The following TG variants were observed in gnomAD, a reference collection of about 807,000 sequenced individuals.
TG encodes thyroglobulin.
In TG, 270 loss-of-function variants were observed where a neutral mutation model predicts 324.7. The ratio of observed to expected loss-of-function variants is 0.83; its 90% confidence interval spans 0.75 to 0.92. TG has a LOEUF of 0.92. TG is among the 40% of genes least tolerant of loss of function. TG has a pLI of 0.00. For synonymous variants in TG, 1,401 were observed against 1,327.0 expected (o/e 1.06, Z -1.21); for missense variants, 3,591 against 3,456.4 (o/e 1.04, Z -0.98).
chr8:133,128,256 C>G (rs1373872821), intron 45 of TG, among the ~76,000 whole-genome samples: 1 of 151,666 alleles, frequency 6.6e-6, no homozygotes, highest in Non-Finnish European at 1.5e-5. Flanking sequence ...GGAGCAGGGT[C>G]TTAGTCCCAA....
intron 35 of TG, among the ~76,000 whole-genome samples, chr8:133,010,763 G>A (rs1834434375): frequency 6.6e-6 from 1 of 152,138 alleles, no homozygotes; most frequent in South Asian, 2.1e-4. Flanking sequence ...TGCACCAGAT[G>A]GGACGAGCTC....
At chr8:133,060,244 G>A (rs1462739320) in intron 41 of TG, 1 of 1,612,320 alleles carries the variant, frequency 6.2e-7, no homozygotes, top group South Asian at 1.1e-5. Context: ...CGTGCCCTGA[G>A]CCCTCCAAGT....
intron 37 of TG, among the ~76,000 whole-genome samples, chr8:133,015,206 A>G (rs1834912024): frequency 6.6e-6 from 1 of 152,212 alleles, no homozygotes; most frequent in African/African-American, 2.4e-5. Context: ...GTTCTGCTGA[A>G]AAATGACTTA....
chr8:132,983,111 C>T (rs1472501070), intron 34 of TG, among the ~76,000 whole-genome samples: 1 of 152,162 alleles, frequency 6.6e-6, no homozygotes, highest in Non-Finnish European at 1.5e-5. Context: ...CCCAGCCTCT[C>T]TGCAGTAGGC....
intron 41 of TG, among the ~76,000 whole-genome samples, chr8:133,048,187 A>G (rs758431798): frequency 2.0e-5 from 3 of 152,132 alleles, no homozygotes; most frequent in Non-Finnish European, 4.4e-5. Context: ...CAATTCCATA[A>G]CCACCTCACT....
intron 44 of TG, among the ~76,000 whole-genome samples, chr8:133,115,669 A>G (rs1850621008): frequency 6.6e-6 from 1 of 152,226 alleles, no homozygotes; most frequent in South Asian, 2.1e-4. Flanking sequence ...CAGAGATTCA[A>G]GGAGATAAAA....
At chr8:132,919,580 C>G in intron 21 of TG, 55 bp downstream of exon 21, 1 of 1,605,882 alleles carries the variant, frequency 6.2e-7, no homozygotes, top group Non-Finnish European at 8.5e-7. Flanking sequence ...AAATGGAACT[C>G]AACAGGGTTT....
At chr8:132,911,766 T>C (rs921986933) in intron 19 of TG, among the ~76,000 whole-genome samples, 2 of 152,240 alleles carry the variant, frequency 1.3e-5, no homozygotes, top group Non-Finnish European at 2.9e-5. Context: ...CATCTGCTAA[T>C]ACTTCTCTTG....
chr8:133,097,714 C>G (rs1331426233), intron 43 of TG, among the ~76,000 whole-genome samples: 1 of 152,144 alleles, frequency 6.6e-6, no homozygotes, highest in African/African-American at 2.4e-5. Flanking sequence ...TTGGCTACCT[C>G]TGGAGATGTA....
At chr8:133,024,742 A>T (rs1835916793) in intron 40 of TG, among the ~76,000 whole-genome samples, 1 of 151,296 alleles carries the variant, frequency 6.6e-6, no homozygotes, top group African/African-American at 2.5e-5. Context: ...ACACGATCTC[A>T]TTCTTTTTTA....
chr8:132,921,344 A>G (rs1821085366), intron 21 of TG, among the ~76,000 whole-genome samples: 1 of 152,168 alleles, frequency 6.6e-6, no homozygotes, highest in South Asian at 2.1e-4. Flanking sequence ...AGTAGTAGAG[A>G]GCTGTATTGA....
At position 133,096,357 on chromosome 8, in the gene TG, G is replaced by C. The variant is rs756368168; in HGVS notation, c.7556G>C (p.Arg2519Thr). 1.2e-6 allele frequency: 2 copies of C among 1,614,198 alleles called. No individual in the cohort carries two copies. The highest frequency in any genetic ancestry group is 2.2e-5 in the East Asian group (1 of 44,882). Residue 2519 changes from arginine to threonine, a missense_variant, in exon 43 of 48, where the codon AGA becomes ACA. Physicochemically the swap from Arg to Thr is moderately conservative, Grantham distance 71. Transcript: ENST00000220616. The stretch of plus-strand genomic sequence containing the variant: ...TCTCAGGACGACGGGCTCATCAACA[G>C]AGCAAAGGCTGTGAAGGTAAGCAGG... ...GSSQDDGLIN[R>T]AKAVKQFEES...
rs776341950 is a variant in TG, at chr8:133,017,782, C to A, written c.6567C>A (p.Ile2189=). 3.1e-6 allele frequency: 5 copies of A among 1,614,180 alleles called. No individual in the cohort carries two copies. Among genetic ancestry groups the A allele is most frequent in the Non-Finnish European group, 4.2e-6 (5 of 1,180,028 alleles). Residue 2189 remains isoleucine, a synonymous_variant, in exon 38 of 48, where the codon ATC becomes ATA. Transcript: ENST00000220616. The part of the protein sequence containing the change: ...EATHIYRKPG[I]SLLSYEASVP... ...TTCTCTTCCCTTTCCCAACAGGAAT[C>A]TCTCTGCTCAGCTATGAGGCATCTG...
At chr8:132,890,162 G>A (rs1816027629) in intron 10 of TG, among the ~76,000 whole-genome samples, 3 of 151,752 alleles carry the variant, frequency 2.0e-5, no homozygotes, top group African/African-American at 7.3e-5. Context: ...CTGGATACAA[G>A]ATCATCCATT....
chr8:132,880,494 T>C (rs1814500624), intron 5 of TG, among the ~76,000 whole-genome samples: 1 of 152,338 alleles, frequency 6.6e-6, no homozygotes, highest in African/African-American at 2.4e-5. Context: ...CTAAGCAAAG[T>C]GAGTTTTTAA....
chr8:133,083,200 T>C (rs1337732222), intron 41 of TG, among the ~76,000 whole-genome samples: 1 of 152,218 alleles, frequency 6.6e-6, no homozygotes, highest in South Asian at 2.1e-4. Context: ...GTTATCATTA[T>C]TTATTATTGG....
chr8:132,900,452 G>T, intron 15 of TG, 113 bp downstream of exon 15: 1 of 971,062 alleles, frequency 1.0e-6, no homozygotes, highest in Non-Finnish European at 1.6e-6. Flanking sequence ...AGCTGTGGGG[G>T]CACAGCTGCT....
intron 34 of TG, among the ~76,000 whole-genome samples, chr8:132,977,709 C>T (rs9297860): frequency 0.16 from 24,603 of 152,110 alleles, 2,561 homozygotes; most frequent in Middle Eastern, 0.31. Flanking sequence ...GAGAATAGCA[C>T]GGGAAAGACC....
In TG at chr8:132,886,936, C is replaced by T. The variant is rs776018124; in HGVS notation, c.1564C>T (p.Leu522Phe). The change falls in exon 9 of 48, where the codon CTC becomes TTC. Residue 522 changes from leucine (L) to phenylalanine (F), a missense_variant. Transcript: ENST00000220616. ...GGRQEDLAKP[L>F]SVGLDSNSST... is the part of the protein sequence containing the mutation. ...GAGACAAGAAGATTTGGCCAAGCCA[C>T]TCTCTGTGGGATTAGATTCAAATTC... The T allele has an allele frequency of 1.9e-6, 3 of 1,614,192 alleles. No homozygotes were observed. The highest frequency in any genetic ancestry group is 2.2e-5 in the South Asian group (2 of 91,076).
Sources: allele counts gnomAD v4.1 joint callset (sites outside exome capture counted in the v4.1 genomes callset), GRCh38; gene constraint gnomAD v4.1.1; transcripts MANE v1.5; gene names NCBI Gene and HGNC (gene_info 2026-07-23, HGNC 2026-07-21).